PCDH11Y: variants seen among roughly 807,000 people sequenced by gnomAD.
PCDH11Y encodes protocadherin 11 Y-linked, also known as protocadherin-11 Y-linked.
For missense variants in PCDH11Y, 12 were observed against 224.8 expected (o/e 0.05, Z 6.05); for synonymous variants, 9 against 83.6 (o/e 0.11, Z 4.87).
intron 2 of PCDH11Y, among the ~76,000 whole-genome samples, chrY:5,317,953 C>G: frequency 2.1e-4 from 7 of 32,650 alleles, no homozygotes; most frequent in Non-Finnish European, 4.5e-4. Flanking sequence ...CATTTTAAAT[C>G]ATGTAACCAT....
At chrY:5,392,226 C>T (rs2053221978) in intron 2 of PCDH11Y, among the ~76,000 whole-genome samples, 1 of 31,172 alleles carries the variant, frequency 3.2e-5, no homozygotes, top group Non-Finnish European at 7.7e-5. Context: ...AAAAATTAGC[C>T]GGGCGTGTTG....
intron 2 of PCDH11Y, among the ~76,000 whole-genome samples, chrY:5,299,971 A>G (rs2053080024): frequency 1.0e-4 from 3 of 29,994 alleles, no homozygotes; most frequent in African/African-American, 3.9e-4. Flanking sequence ...GTTAACAGGT[A>G]CCTCAGCACC....
At chrY:5,693,206 A>G in intron 4 of PCDH11Y, among the ~76,000 whole-genome samples, 1 of 28,788 alleles carries the variant, frequency 3.5e-5, no homozygotes. Context: ...TCATACTGCA[A>G]ATACAGTGCA....
At chrY:5,143,888 A>G in intron 2 of PCDH11Y, among the ~76,000 whole-genome samples, 4 of 33,530 alleles carry the variant, frequency 1.2e-4, no homozygotes, top group African/African-American at 4.6e-4. Context: ...AGTCCCTTCT[A>G]TGCTAAATAA....
At chrY:5,128,166 T>C (rs2052828068) in intron 2 of PCDH11Y, among the ~76,000 whole-genome samples, 1 of 33,088 alleles carries the variant, frequency 3.0e-5, no homozygotes, top group Non-Finnish European at 7.4e-5. Context: ...GACTAAAAAA[T>C]TATAATGTAC....
intron 3 of PCDH11Y, among the ~76,000 whole-genome samples, chrY:5,041,478 T>G (rs1602843526): frequency 8.6e-4 from 27 of 31,337 alleles, no homozygotes; most frequent in African/African-American, 3.3e-3. Flanking sequence ...ATGGTGTATA[T>G]GTGCCACATT....
intron 4 of PCDH11Y, among the ~76,000 whole-genome samples, chrY:5,725,072 C>T (rs2053597693): frequency 3.1e-5 from 1 of 32,389 alleles, no homozygotes; most frequent in Non-Finnish European, 7.5e-5. Flanking sequence ...GTTGGGAGTT[C>T]GAGACCACCC....
At chrY:5,257,519 G>A (rs2053012732) in intron 2 of PCDH11Y, among the ~76,000 whole-genome samples, 1 of 30,858 alleles carries the variant, frequency 3.2e-5, no homozygotes, top group African/African-American at 1.3e-4. Context: ...ACAGGTGTTC[G>A]CCACCATGCC....
At chrY:5,171,947 C>T (rs397833817) in intron 2 of PCDH11Y, among the ~76,000 whole-genome samples, 1 of 32,779 alleles carries the variant, frequency 3.1e-5, no homozygotes, top group African/African-American at 1.2e-4. Flanking sequence ...ACAGAAGAAA[C>T]GTAAAATTCC....
Position 5,270,168 on chromosome Y carries a change from CAA to C in PCDH11Y, c.3129+169463_3129+169464del, listed in dbSNP as rs2124659364. 1.5e-4 allele frequency among the ~76,000 whole-genome samples: 4 copies of C among 27,553 alleles called. No homozygotes were observed. In the South Asian group the frequency reaches 3.4e-3, roughly 24 times the overall value. 73.9% of individuals were successfully genotyped at this position (27,553 alleles called of 37,273 possible). A position where few individuals can be genotyped will look rare whatever the true frequency, so the allele number is the denominator to read the frequency against. On this transcript the variant is annotated intron_variant, in intron 2 of 4. Coordinates refer to the PCDH11Y transcript ENST00000400457. ...TTGATTTGGATCTTGGATGCCAGGT[CAA>C]AGAGTTCAGTTGACATTTACAATTT... is the stretch of plus-strand genomic sequence containing the variant.
chrY:5,305,298 G>A, intron 2 of PCDH11Y, among the ~76,000 whole-genome samples: 2 of 33,377 alleles, frequency 6.0e-5, no homozygotes, highest in Non-Finnish European at 1.5e-4. Context: ...GTTTTATGTG[G>A]CACAGGAGCC....
intron 2 of PCDH11Y, among the ~76,000 whole-genome samples, chrY:5,444,167 C>T: frequency 3.2e-5 from 1 of 31,576 alleles, no homozygotes; most frequent in Admixed American, 2.9e-4. Flanking sequence ...GATGGATACC[C>T]CATTTACTCT....
intron 1 of PCDH11Y, among the ~76,000 whole-genome samples, chrY:5,020,122 C>A: frequency 3.3e-4 from 10 of 30,333 alleles, no homozygotes; most frequent in Non-Finnish European, 7.0e-4. Context: ...TTTCTATTTT[C>A]CAGAATTATC....
chrY:5,537,425 T>A, intron 3 of PCDH11Y, among the ~76,000 whole-genome samples: 1 of 32,188 alleles, frequency 3.1e-5, no homozygotes, highest in Non-Finnish European at 7.5e-5. Context: ...GTTAAATTTT[T>A]AAAGGCTTTC....
chrY:5,293,224 G>A, intron 2 of PCDH11Y, among the ~76,000 whole-genome samples: 1 of 31,636 alleles, frequency 3.2e-5, no homozygotes, highest in African/African-American at 1.2e-4. Context: ...CTGCTTTCCA[G>A]GTTCAAGTGA....
intron 1 of PCDH11Y, among the ~76,000 whole-genome samples, chrY:5,016,269 T>G: frequency 1.2e-4 from 4 of 33,365 alleles, no homozygotes; most frequent in Non-Finnish European, 3.0e-4. Flanking sequence ...CCCTTTGAAG[T>G]GACTTGCCCA....
At chrY:5,301,912 G>A in intron 2 of PCDH11Y, among the ~76,000 whole-genome samples, 2 of 28,355 alleles carry the variant, frequency 7.1e-5, no homozygotes, top group Non-Finnish European at 1.7e-4. Flanking sequence ...ATAGCTGAAG[G>A]AACACCCGAG....
At chrY:5,385,995 G>C in intron 2 of PCDH11Y, among the ~76,000 whole-genome samples, 1 of 33,400 alleles carries the variant, frequency 3.0e-5, no homozygotes, top group East Asian at 7.8e-4. Flanking sequence ...TGTGTTTCCA[G>C]GATGTGTTTC....
intron 2 of PCDH11Y, among the ~76,000 whole-genome samples, chrY:5,351,512 T>C (rs1602909481): frequency 1.9e-4 from 6 of 31,639 alleles, no homozygotes; most frequent in African/African-American, 7.3e-4. Flanking sequence ...GAAGCTGATT[T>C]TTGTTGCCTA....
Sources: gnomAD v4.1 joint callset for allele counts (sites outside exome capture counted in the v4.1 genomes callset) on GRCh38, gnomAD v4.1.1 for gene constraint, MANE v1.5 for transcripts, NCBI Gene and HGNC (gene_info 2026-07-23, HGNC 2026-07-21) for gene names.